Variants in SCAP observed in about 807,000 individuals in gnomAD.
The protein encoded by SCAP is sterol regulatory element-binding protein cleavage-activating protein.
Under a neutral mutation model 123.6 loss-of-function variants are expected in SCAP, and 65 were observed. That is an observed-to-expected ratio of 0.53 (90% CI 0.43 to 0.65). The LOEUF (loss-of-function observed/expected upper bound fraction) is 0.65. SCAP is among the 30% of genes least tolerant of loss of function. SCAP has a pLI of 0.00. For synonymous variants in SCAP, 740 were observed against 726.3 expected, an observed-to-expected ratio of 1.02 and a Z score of -0.30; for missense variants, 1,398 against 1,712.5, an observed-to-expected ratio of 0.82 and a Z score of 3.24.
Position 47,414,092 on chromosome 3 carries a change from C to G in SCAP, c.3602G>C (p.Gly1201Ala). Residue 1201 changes from glycine to alanine, a missense_variant, in exon 23 of 23, where the codon GGC becomes GCC. This residue lies in a region of SCAP where 130 missense variants were observed against 166.7 expected (regional missense o/e 0.78). Transcript: ENST00000265565. ...IKFYSIQQDL[G>A]CGASLGVISD... ...GATGACACCCAAGCTTGCACCACAG[C>G]CCAGGTCCTGGAGGCAAGGACATGA... The G allele has an allele frequency of 6.2e-7, 1 of 1,613,438 alleles. No homozygotes were observed. The highest frequency in any genetic ancestry group is 8.5e-7 in the Non-Finnish European group (1 of 1,180,024).
Position 47,439,400 on chromosome 3 carries a change from C to A in SCAP, c.122+3472G>T, listed in dbSNP as rs934159675. 6.6e-6 allele frequency among the ~76,000 whole-genome samples: 1 copy of A among 152,178 alleles called. No homozygotes were observed. Reference sequence around the variant, plus strand: ...CTCCAGCCTGGGCGACAGAGTGAGACCCCGTCTCAAAATCAAAAACAACAC... The same window carrying A: ...CTCCAGCCTGGGCGACAGAGTGAGAACCCGTCTCAAAATCAAAAACAACAC... On this transcript the variant is annotated intron_variant, in intron 2 of 22. Transcript: ENST00000265565. This position sits in a 1 kb window ranked among gnomAD's most constrained non-coding sequence, Gnocchi z 4.0.
At chr3:47,467,124 G>A (rs1479158214) in intron 1 of SCAP, among the ~76,000 whole-genome samples, 1 of 150,992 alleles carries the variant, frequency 6.6e-6, no homozygotes, top group Non-Finnish European at 1.5e-5. Flanking sequence ...GTTAAAAATT[G>A]TGCAAATCAC....
chr3:47,417,687 G>C lies in SCAP; in HGVS notation c.2587C>G (p.Pro863Ala), dbSNP rs765477220. ...GGCTGGTCCCCGAAGAGGGAAGGCG[G>C]CGGAGGGCCCCGGGGGCGGTGTCTC... ...PLRHRPRGPPPPSLFGDQPDL... is the reference protein window; with the variant it reads ...PLRHRPRGPPAPSLFGDQPDL... The change falls in exon 17 of 23, where the codon CCG (proline) becomes GCG (alanine). Residue 863 changes from proline to alanine, a missense_variant. By Grantham distance (27) the Pro-to-Ala change is conservative. Around this residue, in one of 7 missense-constraint regions of SCAP, gnomAD observed 828 missense variants for 882.5 expected, o/e 0.94. Coordinates refer to ENST00000265565, the MANE Select transcript of SCAP (RefSeq NM_012235.4). 6.2e-7 allele frequency: 1 copy of C among 1,608,314 alleles called. No individual in the cohort carries two copies. The highest frequency in any genetic ancestry group is 1.4e-5 in the African/African-American group (1 of 73,816).
intron 1 of SCAP, among the ~76,000 whole-genome samples, chr3:47,448,750 C>T (rs1365084711): frequency 6.6e-6 from 1 of 152,126 alleles, no homozygotes; most frequent in Non-Finnish European, 1.5e-5. Flanking sequence ...TTCACCCTTA[C>T]TTGTTATAGC....
chr3:47,471,933 G>A (rs924778466), intron 1 of SCAP, among the ~76,000 whole-genome samples: 2 of 151,572 alleles, frequency 1.3e-5, no homozygotes, highest in African/African-American at 4.9e-5. Flanking sequence ...TTGAGGCCAG[G>A]AGTTTGAGAC....
At chr3:47,453,951 C>A (rs970628381) in intron 1 of SCAP, among the ~76,000 whole-genome samples, 4 of 152,122 alleles carry the variant, frequency 2.6e-5, no homozygotes, top group African/African-American at 9.7e-5. Flanking sequence ...TCATCCTATT[C>A]ATTTTGTACC....
intron 1 of SCAP, among the ~76,000 whole-genome samples, chr3:47,451,440 C>G (rs1222096984): frequency 9.9e-6 from 1 of 101,218 alleles, no homozygotes; most frequent in African/African-American, 3.4e-5. Flanking sequence ...CTCTGTCACC[C>G]AGGCTGGAGT....
chr3:47,422,858 A>C, intron 9 of SCAP: 1 of 229,784 alleles, frequency 4.4e-6, no homozygotes, highest in Non-Finnish European at 8.5e-6. Context: ...ACCCACAACA[A>C]CCACATCCAA....
At chr3:47,470,270 A>C (rs1417647902) in intron 1 of SCAP, among the ~76,000 whole-genome samples, 1 of 152,222 alleles carries the variant, frequency 6.6e-6, no homozygotes, top group Non-Finnish European at 1.5e-5. Flanking sequence ...TCAGGTAAGA[A>C]GATTACTGCA....
chr3:47,419,236 A>G lies in SCAP; in HGVS notation c.1940+92T>C. ...CTTATGAACTGTTTTAATTATTTGC[A>G]TAATTCAAACCTGTGGGCCTCCTGC... On this transcript the variant is annotated intron_variant, in intron 13 of 22. Coordinates refer to ENST00000265565, the MANE Select transcript of SCAP (RefSeq NM_012235.4). The surrounding 1 kb of genome is among the most constrained non-coding windows in gnomAD (Gnocchi z 5.0). 2.7e-6 allele frequency: 4 copies of G among 1,463,020 alleles called. No individual in the cohort carries two copies. 90.6% of individuals were successfully genotyped at this position (1,463,020 alleles called of 1,614,324 possible).
chr3:47,435,469 TACACACACACACACACACAC>T (rs57702290), intron 2 of SCAP, among the ~76,000 whole-genome samples: 3 of 91,910 alleles, frequency 3.3e-5, no homozygotes, highest in African/African-American at 6.9e-5. Context: ...AATATAAACA[TACACACACACACACACACAC>T]ACACACACAC....
intron 1 of SCAP, among the ~76,000 whole-genome samples, chr3:47,455,594 C>CAAAAAAAAAAAAAAA (rs544006040): frequency 2.4e-5 from 1 of 42,430 alleles, no homozygotes; most frequent in East Asian, 6.2e-4. Context: ...GACTCCACCT[C>CAAAAAAAAAAAAAAA]AAAAAAAAAA....
chr3:47,418,010 G>T, intron 16 of SCAP, 124 bp downstream of exon 16: 1 of 570,628 alleles, frequency 1.8e-6, no homozygotes, highest in South Asian at 1.8e-5. Flanking sequence ...GGGGTGGGGG[G>T]AGAGGGGGCC....
chr3:47,474,001 C>A (rs1708169529), intron 1 of SCAP, among the ~76,000 whole-genome samples: 1 of 152,032 alleles, frequency 6.6e-6, no homozygotes, highest in Non-Finnish European at 1.5e-5. Context: ...CGCGGTGGCT[C>A]ACGCCTGTAA....
chr3:47,427,190 G>A lies in SCAP; in HGVS notation c.704C>T (p.Thr235Ile). The change falls in exon 6 of 23, where the codon ACC becomes ATC. Residue 235 changes from threonine (T) to isoleucine (I), a missense_variant. Around this residue, in one of 7 missense-constraint regions of SCAP, gnomAD observed 319 missense variants for 432.4 expected, o/e 0.74. Coordinates refer to ENST00000265565, the MANE Select transcript of SCAP (RefSeq NM_012235.4). Reference protein sequence around the residue: ...LYTRKRMVSYTITLVFQHYHA... With the variant: ...LYTRKRMVSYIITLVFQHYHA... ...GTAGTGCTGGAAGACCAGGGTGATG[G>A]TGTAGGAGACCATCCTCTTCCTGGT... 6.2e-7 allele frequency: 1 copy of A among 1,613,840 alleles called. No homozygotes were observed.
Position 47,427,151 on chromosome 3 carries a change from T to C in SCAP, c.737+6A>G. On this transcript the variant is annotated splice_donor_region_variant and intron_variant, in intron 6 of 22. Transcript: ENST00000265565. The stretch of plus-strand genomic sequence containing the variant: ...AGTCAAGAGCCCAGGGTACTGTCAA[T>C]CTTACTTGGCATGGTAGTGCTGGAA... 1 of 1,605,258 alleles carries C rather than the reference T, an allele frequency of 6.2e-7. No homozygotes were observed. Among genetic ancestry groups the C allele is most frequent in the Non-Finnish European group, 8.5e-7 (1 of 1,172,064 alleles).
chr3:47,413,701 AGAT>A lies in SCAP; in HGVS notation c.*150_*152del, dbSNP rs1165566738. 1.5e-5 allele frequency: 16 copies of A among 1,053,750 alleles called. No homozygotes were observed. The highest frequency in any genetic ancestry group is 4.7e-5 in the South Asian group (3 of 64,372). 65.3% of individuals were successfully genotyped at this position (1,053,750 alleles called of 1,614,324 possible). A position where few individuals can be genotyped will look rare whatever the true frequency, so the allele number is the denominator to read the frequency against. On this transcript the variant is annotated 3_prime_UTR_variant, in exon 23 of 23. Transcript: ENST00000265565. ...ACAAGTAGCTCCCAAAGTGCCTGAC[AGAT>A]GATGATATGGTTTTTTAAAAAAGTT... is the stretch of plus-strand genomic sequence containing the variant.
intron 1 of SCAP, among the ~76,000 whole-genome samples, chr3:47,474,892 A>G (rs1364504097): frequency 6.6e-6 from 1 of 152,204 alleles, no homozygotes; most frequent in Non-Finnish European, 1.5e-5. Context: ...TGACTCCCTA[A>G]TAAAAGCGTC....
In SCAP at chr3:47,418,852, G is replaced by A. The variant is rs115332706; in HGVS notation, c.1941-9C>T. ...GCAGCAGGCTGATGTACCTGGATTC[G>A]GACAGTGGGCAGCCTCAGCGGGGGG... On this transcript the variant is annotated splice_polypyrimidine_tract_variant and intron_variant, in intron 13 of 22. Coordinates refer to ENST00000265565, the MANE Select transcript of SCAP (RefSeq NM_012235.4). 1.2e-3 allele frequency: 1,818 copies of A among 1,514,102 alleles called. 23 individuals carry two copies. In the African/African-American group the frequency reaches 0.024, roughly 20 times the overall value. The allele number at this position is 1,514,102 out of a possible 1,614,324, so 93.8% of individuals were successfully genotyped here. A position where few individuals can be genotyped will look rare whatever the true frequency, so the allele number is the denominator to read the frequency against.
Sources: allele counts gnomAD v4.1 joint callset (sites outside exome capture counted in the v4.1 genomes callset), GRCh38; gene constraint gnomAD v4.1.1; regional missense constraint gnomAD v4.1.1; non-coding constraint Gnocchi (gnomAD v3.1); transcripts MANE v1.5; gene names NCBI Gene and HGNC (gene_info 2026-07-23, HGNC 2026-07-21).